LGSN: variants seen among roughly 807,000 people sequenced by gnomAD.
The protein encoded by LGSN is lengsin.
In LGSN, 21 loss-of-function variants were observed where a neutral mutation model predicts 19.5. The observed-to-expected ratio is 1.07, with a 90% CI of 0.76 to 1.55. The LOEUF is 1.55. Among genes scored for constraint, LGSN ranks in the 40% most tolerant of loss-of-function variants. The probability of loss-of-function intolerance (pLI) is 0.00; values close to 1 mark genes in which losing one functional copy is unlikely to be tolerated. For missense variants in LGSN, 673 were observed against 608.5 expected (o/e 1.11, Z -1.12); for synonymous variants, 257 against 215.6 (o/e 1.19, Z -1.68).
chr6:63,448,908 A>G, the LGSN span, among the ~76,000 whole-genome samples: 1 of 152,342 alleles, frequency 6.6e-6, no homozygotes, highest in African/African-American at 2.4e-5. Context: ...AGAAAAAATA[A>G]CAACATAACA....
chr6:63,411,655 A>G, the LGSN span, among the ~76,000 whole-genome samples: 1 of 152,154 alleles, frequency 6.6e-6, no homozygotes, highest in Non-Finnish European at 1.5e-5. Context: ...CCAAGACAAC[A>G]TGGTCAGACT....
the LGSN span, among the ~76,000 whole-genome samples, chr6:63,434,054 A>G: frequency 6.6e-6 from 1 of 152,168 alleles, no homozygotes; most frequent in African/African-American, 2.4e-5. Flanking sequence ...ACAACTAGGA[A>G]CCATTACCAC....
the LGSN span, chr6:63,572,472 G>A: frequency 5.2e-6 from 2 of 386,810 alleles, no homozygotes; most frequent in Non-Finnish European, 9.2e-6. Context: ...GGCTTGTGAC[G>A]CAAGGGCGCC....
chr6:63,398,446 T>C, the LGSN span, among the ~76,000 whole-genome samples: 1 of 151,912 alleles, frequency 6.6e-6, no homozygotes, highest in East Asian at 1.9e-4. Flanking sequence ...CAAAAATGCC[T>C]TAAAAGTAAA....
intron 1 of LGSN, among the ~76,000 whole-genome samples, chr6:63,301,117 C>T (rs923436777): frequency 5.9e-5 from 9 of 152,004 alleles, no homozygotes; most frequent in African/African-American, 2.2e-4. Context: ...ACAGTGAAAC[C>T]CCATCTCTAC....
At chr6:63,385,937 G>A in the LGSN span, among the ~76,000 whole-genome samples, 15 of 152,124 alleles carry the variant, frequency 9.9e-5, no homozygotes, top group African/African-American at 3.6e-4. Context: ...TGAGACCTCA[G>A]ACCCAATTTC....
the LGSN span, among the ~76,000 whole-genome samples, chr6:63,438,511 A>G: frequency 6.6e-6 from 1 of 152,186 alleles, no homozygotes; most frequent in Admixed American, 6.5e-5. Context: ...TTTACAAGAA[A>G]AAAACAAACA....
At chr6:63,285,937 T>C (rs999614400) in intron 2 of LGSN, among the ~76,000 whole-genome samples, 184 bp from the exon 3 acceptor site, 3 of 152,176 alleles carry the variant, frequency 2.0e-5, no homozygotes, top group Admixed American at 6.6e-5. Flanking sequence ...CCAAGAACAC[T>C]GTGTCTAAAC....
intron 1 of LGSN, among the ~76,000 whole-genome samples, chr6:63,314,449 T>G (rs115911768): frequency 0.036 from 5,475 of 152,140 alleles, 330 homozygotes; most frequent in African/African-American, 0.13. Flanking sequence ...ATTTGTTATA[T>G]TAGCCCAAAC....
chr6:63,444,945 T>C, the LGSN span, among the ~76,000 whole-genome samples: 1 of 152,164 alleles, frequency 6.6e-6, no homozygotes. Flanking sequence ...TCCAAAACAG[T>C]TGAGCTGATG....
chr6:63,473,198 C>T, the LGSN span, among the ~76,000 whole-genome samples: 18 of 151,804 alleles, frequency 1.2e-4, no homozygotes, highest in African/African-American at 3.4e-4. Context: ...GTAGGCCAGG[C>T]GCAGTGGCTC....
the LGSN span, among the ~76,000 whole-genome samples, chr6:63,450,679 GT>G: frequency 0.012 from 1,784 of 144,742 alleles, 20 homozygotes; most frequent in African/African-American, 0.035. Flanking sequence ...GATTATAATG[GT>G]TTTTTTTTTT....
the LGSN span, among the ~76,000 whole-genome samples, chr6:63,426,311 T>G: frequency 2.6e-5 from 4 of 152,170 alleles, no homozygotes; most frequent in Non-Finnish European, 4.4e-5. Context: ...CTGATCCAAC[T>G]GGGAGTTGCT....
chr6:63,320,080 G>T (rs1337009154), upstream of LGSN: 1 of 669,042 alleles, frequency 1.5e-6, no homozygotes, highest in East Asian at 2.7e-5. Flanking sequence ...GGTCTGGCAG[G>T]TAATAAAAGA....
chr6:63,441,841 G>C, the LGSN span: 1 of 298,670 alleles, frequency 3.3e-6, no homozygotes, highest in South Asian at 3.1e-5. Context: ...CAGCGGGGGC[G>C]CTGGTTGCTT....
chr6:63,400,786 G>C, the LGSN span, among the ~76,000 whole-genome samples: 1 of 152,214 alleles, frequency 6.6e-6, no homozygotes, highest in East Asian at 1.9e-4. Flanking sequence ...CTCAGGTCAG[G>C]AGTTTGAGAC....
chr6:63,473,762 C>T, the LGSN span, among the ~76,000 whole-genome samples: 1 of 147,810 alleles, frequency 6.8e-6, no homozygotes, highest in African/African-American at 2.5e-5. Flanking sequence ...GTATATTCCA[C>T]ATTGGATTTG....
At chr6:63,437,456 C>A in the LGSN span, among the ~76,000 whole-genome samples, 7 of 152,114 alleles carry the variant, frequency 4.6e-5, no homozygotes, top group Non-Finnish European at 1.0e-4. Context: ...GAGTCTCACT[C>A]TCTCGCCCAG....
chr6:63,469,124 C>T, the LGSN span, among the ~76,000 whole-genome samples: 1 of 152,112 alleles, frequency 6.6e-6, no homozygotes, highest in Non-Finnish European at 1.5e-5. Flanking sequence ...CGTTAAGTCA[C>T]TGCTATTATA....
Sources: allele counts gnomAD v4.1 joint callset (sites outside exome capture counted in the v4.1 genomes callset), GRCh38; gene constraint gnomAD v4.1.1; transcripts MANE v1.5; gene names NCBI Gene and HGNC (gene_info 2026-07-23, HGNC 2026-07-21).